RBFOX1: variants seen among roughly 807,000 people sequenced by gnomAD.
RBFOX1 encodes the protein RNA binding protein fox-1 homolog 1.
A neutral mutation model predicts 57.7 loss-of-function variants in RBFOX1; 8 were observed. The observed-to-expected ratio is 0.14, with a 90% CI of 0.08 to 0.25. The LOEUF (loss-of-function observed/expected upper bound fraction) is 0.25, where lower values mean the gene tolerates loss of function less well. Ranked by LOEUF, RBFOX1 falls within the 10% of genes least tolerant of loss-of-function variation. The pLI is 1.00. For missense variants in RBFOX1, 611 were observed against 548.5 expected, an observed-to-expected ratio of 1.11 and a Z score of -1.14; for synonymous variants, 326 against 222.4, an observed-to-expected ratio of 1.47 and a Z score of -4.15.
chr16:6,459,853 G>A (rs764882181), intron 2 of RBFOX1, among the ~76,000 whole-genome samples: 20 of 151,428 alleles, frequency 1.3e-4, no homozygotes, highest in South Asian at 2.1e-4. Flanking sequence ...ATGTGGTGGC[G>A]AATGCCTGTA....
intron 3 of RBFOX1, among the ~76,000 whole-genome samples, chr16:5,821,090 C>T (rs1021197366): frequency 7.2e-5 from 11 of 152,066 alleles, no homozygotes; most frequent in African/African-American, 2.4e-4. Flanking sequence ...AGGGTCTCTG[C>T]AGCACACCCC....
intron 3 of RBFOX1, among the ~76,000 whole-genome samples, chr16:6,814,045 C>A (rs1437214471): frequency 6.9e-6 from 1 of 144,172 alleles, no homozygotes; most frequent in Admixed American, 7.0e-5. Flanking sequence ...TCAAACATAA[C>A]AACTTGTCCT....
intron 1 of RBFOX1, among the ~76,000 whole-genome samples, chr16:5,379,212 T>C (rs1430723997): frequency 6.6e-6 from 1 of 151,678 alleles, no homozygotes; most frequent in Non-Finnish European, 1.5e-5. Context: ...TGAATTTAAG[T>C]CTAAAATTTA....
At chr16:7,214,045 G>A (rs1293782732) in intron 4 of RBFOX1, among the ~76,000 whole-genome samples, 1 of 151,340 alleles carries the variant, frequency 6.6e-6, no homozygotes, top group African/African-American at 2.4e-5. Flanking sequence ...CTAGAAACTG[G>A]TCCTTTCTGG....
chr16:6,406,847 A>C (rs1208113136), intron 2 of RBFOX1, among the ~76,000 whole-genome samples: 3 of 152,166 alleles, frequency 2.0e-5, no homozygotes, highest in Non-Finnish European at 4.4e-5. Flanking sequence ...GAAATAGAAT[A>C]GATCCATGGC....
chr16:5,384,075 C>G (rs1030894753), intron 1 of RBFOX1, among the ~76,000 whole-genome samples: 1 of 152,188 alleles, frequency 6.6e-6, no homozygotes. Context: ...AGAAATGAGT[C>G]TATGTGTCCA....
Position 6,788,723 on chromosome 16 carries a change from C to T in RBFOX1, c.-16+134073C>T, listed in dbSNP as rs2082396248. 2.0e-5 allele frequency among the ~76,000 whole-genome samples: 3 copies of T among 149,504 alleles called. No individual in the cohort carries two copies. The South Asian group carries it at 6.3e-4, about 32-fold the overall frequency. ...ATCTCCTGATCTCGTGATCCGCCCG[C>T]CTCGGCCTCCCAGAGTGCTGGGATT... On this transcript the variant is annotated intron_variant, in intron 3 of 15. Coordinates refer to ENST00000550418, the MANE Select transcript of RBFOX1 (RefSeq NM_018723.4).
intron 4 of RBFOX1, among the ~76,000 whole-genome samples, chr16:5,973,105 C>T (rs1453969542): frequency 2.0e-5 from 3 of 152,032 alleles, no homozygotes; most frequent in Non-Finnish European, 4.4e-5. Flanking sequence ...TGTAAAGAGA[C>T]AGAGCTAAAA....
intron 3 of RBFOX1, among the ~76,000 whole-genome samples, chr16:6,900,342 C>G (rs1177899438): frequency 1.3e-5 from 2 of 152,232 alleles, no homozygotes; most frequent in South Asian, 2.1e-4. Flanking sequence ...GGAGCTACCA[C>G]AAAATCCTTT....
chr16:5,632,475 G>A (rs1478337863), intron 3 of RBFOX1: 2 of 152,206 alleles, frequency 1.3e-5, no homozygotes, highest in Non-Finnish European at 2.9e-5. Context: ...CTCAGTACAT[G>A]AGAGCCATCA....
chr16:5,410,412 T>G (rs2151462320), intron 1 of RBFOX1, among the ~76,000 whole-genome samples: 1 of 152,270 alleles, frequency 6.6e-6, no homozygotes, highest in South Asian at 2.1e-4. Flanking sequence ...GCATGTCTCT[T>G]GTTGACCAGG....
chr16:6,310,847 G>A (rs565774737), intron 1 of RBFOX1, among the ~76,000 whole-genome samples: 35 of 151,406 alleles, frequency 2.3e-4, no homozygotes, highest in African/African-American at 6.3e-4. Context: ...TGCTTGGGGA[G>A]TCAGCCAGGA....
chr16:5,986,081 A>G (rs1200731068), intron 4 of RBFOX1, among the ~76,000 whole-genome samples: 1 of 145,004 alleles, frequency 6.9e-6, no homozygotes, highest in Non-Finnish European at 1.5e-5. Context: ...TTTGTTTTCC[A>G]GACAGGGTCT....
intron 4 of RBFOX1, among the ~76,000 whole-genome samples, chr16:7,252,967 C>A (rs1037094241): frequency 6.6e-6 from 1 of 152,146 alleles, no homozygotes; most frequent in Non-Finnish European, 1.5e-5. Flanking sequence ...AATAAGCATG[C>A]ACATATGTTA....
chr16:6,144,364 C>A (rs530208022), intron 1 of RBFOX1, among the ~76,000 whole-genome samples: 2 of 151,970 alleles, frequency 1.3e-5, no homozygotes, highest in African/African-American at 4.8e-5. Context: ...TCTTTTAATG[C>A]AGAGATCTAA....
intron 4 of RBFOX1, among the ~76,000 whole-genome samples, chr16:7,166,310 G>T (rs576640088): frequency 6.6e-6 from 1 of 152,118 alleles, no homozygotes; most frequent in African/African-American, 2.4e-5. Context: ...CACCGCACCC[G>T]GCCGGAGTGG....
intron 3 of RBFOX1, among the ~76,000 whole-genome samples, chr16:7,020,476 C>T (rs943467358): frequency 2.0e-5 from 3 of 152,130 alleles, no homozygotes; most frequent in Non-Finnish European, 4.4e-5. Context: ...GCCTCAACCT[C>T]CCAAAGTGCT....
chr16:6,868,268 G>A (rs1470398977), intron 3 of RBFOX1, among the ~76,000 whole-genome samples: 1 of 152,096 alleles, frequency 6.6e-6, no homozygotes, highest in Non-Finnish European at 1.5e-5. Context: ...CACAGGAAGT[G>A]GCTTATAAGA....
intron 4 of RBFOX1, among the ~76,000 whole-genome samples, chr16:5,939,835 C>T (rs1027890889): frequency 6.6e-6 from 1 of 152,104 alleles, no homozygotes; most frequent in Non-Finnish European, 1.5e-5. Flanking sequence ...ACCATATGGA[C>T]ATGGGGATCT....
Sources: gnomAD v4.1 joint callset for allele counts (sites outside exome capture counted in the v4.1 genomes callset) on GRCh38, gnomAD v4.1.1 for gene constraint, MANE v1.5 for transcripts, NCBI Gene and HGNC (gene_info 2026-07-23, HGNC 2026-07-21) for gene names.